Variants in CSF1R observed in about 807,000 individuals in gnomAD.
CSF1R encodes the protein colony stimulating factor 1 receptor, also known as macrophage colony-stimulating factor 1 receptor.
A neutral mutation model predicts 110.0 loss-of-function variants in CSF1R; 40 were observed. That is an observed-to-expected ratio of 0.36 (90% CI 0.28 to 0.47). The LOEUF (loss-of-function observed/expected upper bound fraction) is 0.47. Ranked by LOEUF, CSF1R falls within the 20% of genes least tolerant of loss-of-function variation. The pLI, the probability that CSF1R is intolerant of heterozygous loss-of-function variation, is 0.99. For synonymous variants in CSF1R, 523 were observed against 503.4 expected, an observed-to-expected ratio of 1.04 and a Z score of -0.52; for missense variants, 1,052 against 1,253.0, an observed-to-expected ratio of 0.84 and a Z score of 2.42.
chr5:150,070,107 G>A (rs775158404), intron 8 of CSF1R, 44 bp from the exon 9 acceptor site: 19 of 1,609,002 alleles, frequency 1.2e-5, no homozygotes, highest in East Asian at 8.9e-5. Flanking sequence ...GGTTCCCAGC[G>A]CCAGCATGTC....
intron 13 of CSF1R, among the ~76,000 whole-genome samples, chr5:150,060,139 A>G (rs1210421491): frequency 6.6e-6 from 1 of 152,046 alleles, no homozygotes; most frequent in African/African-American, 2.4e-5. Context: ...CATCCTGGCT[A>G]ACATGGTGAA....
chr5:150,061,446 A>ACC, intron 12 of CSF1R, 45 bp downstream of exon 12: 2 of 381,914 alleles, frequency 5.2e-6, no homozygotes, highest in Admixed American at 4.1e-5. Flanking sequence ...CACCCCCAGC[A>ACC]TCTACCACCC....
intron 13 of CSF1R, among the ~76,000 whole-genome samples, chr5:150,060,152 C>A (rs1032195035): frequency 7.3e-5 from 11 of 151,678 alleles, no homozygotes; most frequent in African/African-American, 2.7e-4. Flanking sequence ...ATGGTGAAAC[C>A]CCATCTCTAC....
At chr5:150,054,941 G>T (rs935338736) in intron 19 of CSF1R, 16 of 344,172 alleles carry the variant, frequency 4.6e-5, no homozygotes, top group Middle Eastern at 1.7e-3. Flanking sequence ...AGTGAGCTAT[G>T]ATTGCACACA....
chr5:150,096,002 A>T (rs750395917), intron 1 of CSF1R, among the ~76,000 whole-genome samples: 3 of 152,198 alleles, frequency 2.0e-5, no homozygotes, highest in African/African-American at 4.8e-5. Context: ...TTAAAAACTA[A>T]ACTTGTAGTT....
chr5:150,102,450 G>T (rs576771847), intron 1 of CSF1R, among the ~76,000 whole-genome samples: 2 of 151,978 alleles, frequency 1.3e-5, no homozygotes, highest in African/African-American at 4.8e-5. Context: ...TCCTTTGTCC[G>T]TTTTTTTGTC....
At chr5:150,099,774 T>G (rs1759344092) in intron 1 of CSF1R, among the ~76,000 whole-genome samples, 3 of 152,112 alleles carry the variant, frequency 2.0e-5, no homozygotes, top group Admixed American at 2.0e-4. Context: ...TTTTTGGTGA[T>G]GGAAATATAG....
At position 150,055,227 on chromosome 5, in the gene CSF1R, C is replaced by T. The variant is rs766403147; in HGVS notation, c.2654+10G>A. ...GTGTCCTTTTCCCTCCCTGGGATCC[C>T]TTCGCTTACATATTCTTTGGGGCAA... is the stretch of plus-strand genomic sequence containing the variant. On this transcript the variant is annotated intron_variant, in intron 19 of 20. Coordinates refer to ENST00000675795, the MANE Select transcript of CSF1R (RefSeq NM_001288705.3). 5.6e-6 allele frequency: 9 copies of T among 1,612,808 alleles called. No individual in the cohort carries two copies. The highest frequency in any genetic ancestry group is 6.8e-6 in the Non-Finnish European group (8 of 1,178,958).
At chr5:150,105,788 A>C (rs1759537006) in intron 1 of CSF1R, among the ~76,000 whole-genome samples, 2 of 152,116 alleles carry the variant, frequency 1.3e-5, no homozygotes, top group South Asian at 2.1e-4. Flanking sequence ...TGGCTTCCCA[A>C]AGGGCTGAGA....
chr5:150,107,954 G>C (rs1759602325), intron 1 of CSF1R, among the ~76,000 whole-genome samples: 1 of 152,232 alleles, frequency 6.6e-6, no homozygotes, highest in South Asian at 2.1e-4. Context: ...CCTATTGTCA[G>C]AGCCAGGAGA....
chr5:150,057,310 T>C lies in CSF1R; in HGVS notation c.2296A>G (p.Met766Val). 6.2e-7 allele frequency: 1 copy of C among 1,613,746 alleles called. No individual in the cohort carries two copies. The highest frequency in any genetic ancestry group is 8.5e-7 in the Non-Finnish European group (1 of 1,179,990). Residue 766 changes from methionine to valine, a missense_variant, in exon 16 of 21, where the codon ATG becomes GTG. Physicochemically the swap from Met to Val is conservative, Grantham distance 21 (BLOSUM62 1). Transcript: ENST00000675795. ...ACATTCTTGGAAGCGAGGAAGGCCA[T>C]GCCCTGGGCTACTTGGCTGGAGAAG... ...LHFSSQVAQG[M>V]AFLASKNCIH...
chr5:150,084,525 T>C lies in CSF1R; in HGVS notation c.49+1854A>G, dbSNP rs190390759. On this transcript the variant is annotated intron_variant, in intron 1 of 20. Transcript: ENST00000675795. Reference sequence around the variant, plus strand: ...TGGAGTGCAGTGGCATGATCTCAGCTCACTGCAACCTCTGCCTCCCGGGTT... The same window carrying C: ...TGGAGTGCAGTGGCATGATCTCAGCCCACTGCAACCTCTGCCTCCCGGGTT... Among the ~76,000 whole-genome samples, 818 of 150,920 alleles carry C rather than the reference T, an allele frequency of 5.4e-3. 9 individuals carry two copies. Among genetic ancestry groups the C allele is most frequent in the African/African-American group, 0.017 (718 of 41,216 alleles).
intron 1 of CSF1R, among the ~76,000 whole-genome samples, chr5:150,110,912 G>GTT (rs67908809): frequency 0.11 from 15,396 of 144,610 alleles, 1,205 homozygotes; most frequent in East Asian, 0.28. Context: ...GTATCAAGTA[G>GTT]TTTTTTTTTT....
In CSF1R at chr5:150,078,145, G is replaced by C; in HGVS notation, c.696C>G (p.Asn232Lys). 1 of 1,614,108 alleles carries C rather than the reference G, an allele frequency of 6.2e-7. No individual in the cohort carries two copies. The highest frequency in any genetic ancestry group is 8.5e-7 in the Non-Finnish European group (1 of 1,180,006). The change falls in exon 4 of 21, where the codon AAC becomes AAG. Residue 232 changes from asparagine to lysine, a missense_variant. Asn to Lys is a moderately conservative substitution (Grantham distance 94, BLOSUM62 0). This residue lies in a region of CSF1R where 693 missense variants were observed against 735.4 expected (regional missense o/e 0.94). Coordinates refer to ENST00000675795, the MANE Select transcript of CSF1R (RefSeq NM_001288705.3). ...IVCSASSVDV[N>K]FDVFLQHNNT... Reference sequence around the variant, plus strand: ...TGTTGTGTTGGAGGAAGACATCAAAGTTAACATCAACGCTGCTGGCTGAGC... The same window carrying C: ...TGTTGTGTTGGAGGAAGACATCAAACTTAACATCAACGCTGCTGGCTGAGC...
chr5:150,071,194 A>G (rs989225140), intron 6 of CSF1R, among the ~76,000 whole-genome samples: 2 of 152,208 alleles, frequency 1.3e-5, no homozygotes, highest in African/African-American at 4.8e-5. Flanking sequence ...TGGGCACTCA[A>G]TTCAATGGTA....
chr5:150,103,215 T>C (rs1438777056), intron 1 of CSF1R, among the ~76,000 whole-genome samples: 2 of 152,258 alleles, frequency 1.3e-5, no homozygotes, highest in East Asian at 3.8e-4. Flanking sequence ...TTGGATTGTC[T>C]GGCCAATACC....
intron 6 of CSF1R, among the ~76,000 whole-genome samples, chr5:150,072,962 G>A (rs1758089754): frequency 6.6e-6 from 1 of 152,188 alleles, no homozygotes. Flanking sequence ...GCTGTTTTCT[G>A]CATTTGGATT....
At chr5:150,080,626 C>A in intron 2 of CSF1R, 141 bp downstream of exon 2, 1 of 1,108,740 alleles carries the variant, frequency 9.0e-7, no homozygotes. Context: ...GACTGCATTA[C>A]ATTAGCAGCT....
intron 1 of CSF1R, among the ~76,000 whole-genome samples, chr5:150,113,074 G>T (rs1759775710): frequency 6.6e-6 from 1 of 152,130 alleles, no homozygotes; most frequent in Non-Finnish European, 1.5e-5. Flanking sequence ...CAACCCTATT[G>T]CCCCTGGCCC....
Sources: gnomAD v4.1 joint callset for allele counts (sites outside exome capture counted in the v4.1 genomes callset) on GRCh38, gnomAD v4.1.1 for gene constraint, gnomAD v4.1.1 regional missense constraint, MANE v1.5 for transcripts, NCBI Gene and HGNC (gene_info 2026-07-23, HGNC 2026-07-21) for gene names.